Variants in INTS13 observed in about 807,000 individuals in gnomAD.
INTS13 encodes the protein integrator complex subunit 13.
In INTS13, 35 loss-of-function variants were observed where a neutral mutation model predicts 90.2. That is an observed-to-expected ratio of 0.39 (90% CI 0.30 to 0.51). The LOEUF is 0.51. Among genes scored for constraint, INTS13 ranks in the 20% least tolerant of loss-of-function variants. INTS13 has a pLI of 0.80. For missense variants in INTS13, 601 were observed against 851.2 expected (o/e 0.71, Z 3.66); for synonymous variants, 309 against 277.1 (o/e 1.11, Z -1.14).
Position 26,934,601 on chromosome 12 carries a change from T to G in INTS13, c.255A>C (p.Ala85=), listed in dbSNP as rs764910791. ...CTTGAGTCCAAGAATTTAAAACATGTGCTCCAGAGTCACTCACAATAAAAT... is the reference window on the plus strand; with the variant it reads ...CTTGAGTCCAAGAATTTAAAACATGGGCTCCAGAGTCACTCACAATAAAAT... ...LVNFIVSDSG[A]HVLNSWTQED... is the part of the protein sequence containing the mutation. Residue 85 remains alanine, a synonymous_variant, in exon 3 of 17, where the codon GCA becomes GCC. Coordinates refer to ENST00000261191, the MANE Select transcript of INTS13 (RefSeq NM_018164.3). 3 of 1,613,528 alleles carry G rather than the reference T, an allele frequency of 1.9e-6. No individual in the cohort carries two copies. In the Admixed American group the frequency reaches 5.0e-5, roughly 27 times the overall value.
rs761716396 is a variant in INTS13 at position 26,905,548 on chromosome 12, A to C, written c.2082-12T>G. On this transcript the variant is annotated splice_polypyrimidine_tract_variant and intron_variant, in intron 16 of 16. Coordinates refer to ENST00000261191, the MANE Select transcript of INTS13 (RefSeq NM_018164.3). ...CTGTTGTCTCCATCCTGAAATAGGAAGAAAAAAACGAGTTGATAAAATAAA... is the reference window on the plus strand; with the variant it reads ...CTGTTGTCTCCATCCTGAAATAGGACGAAAAAAACGAGTTGATAAAATAAA... The C allele has an allele frequency of 6.2e-6, 10 of 1,609,502 alleles. No homozygotes were observed. Among genetic ancestry groups the C allele is most frequent in the Middle Eastern group, 1.7e-4 (1 of 6,032 alleles).
At position 26,936,853 on chromosome 12, in the gene INTS13, T is replaced by C. The variant is rs150513015; in HGVS notation, c.-11-39A>G. On this transcript the variant is annotated intron_variant, in intron 1 of 16. Transcript: ENST00000261191. Reference sequence around the variant, plus strand: ...AACATATTAGCCAAATATTTGTACATAACATCTTACATTTTTTCTAATTTT... The same window carrying C: ...AACATATTAGCCAAATATTTGTACACAACATCTTACATTTTTTCTAATTTT... 9,504 of 1,305,824 alleles carry C rather than the reference T, an allele frequency of 7.3e-3. 49 individuals are homozygous for C. Among genetic ancestry groups the C allele is most frequent in the Non-Finnish European group, 9.2e-3 (8,481 of 917,584 alleles). 80.9% of individuals were successfully genotyped at this position (1,305,824 alleles called of 1,614,324 possible).
Position 26,928,240 on chromosome 12 carries a change from A to C in INTS13, c.549T>G (p.Ile183Met). The change falls in exon 5 of 17, where the codon ATT becomes ATG. Residue 183 changes from isoleucine (I) to methionine (M), a missense_variant. Ile to Met is a conservative substitution (Grantham distance 10). Around this residue, in one of 3 missense-constraint regions of INTS13, gnomAD observed 284 missense variants for 387.7 expected, o/e 0.73. Coordinates refer to ENST00000261191, the MANE Select transcript of INTS13 (RefSeq NM_018164.3). ...TTGCAGCAAGCTTGTTATGTTCATGAATCGTTTCCTGGACACAGTCTTCAA... is the reference window on the plus strand; with the variant it reads ...TTGCAGCAAGCTTGTTATGTTCATGCATCGTTTCCTGGACACAGTCTTCAA... The part of the protein sequence containing the change: ...RMLEDCVQET[I>M]HEHNKLAANS... 1.9e-6 allele frequency: 3 copies of C among 1,611,158 alleles called. No homozygotes were observed. Among genetic ancestry groups the C allele is most frequent in the Non-Finnish European group, 2.5e-6 (3 of 1,177,778 alleles).
At chr12:26,935,142 G>A (rs1357188836) in intron 2 of INTS13, among the ~76,000 whole-genome samples, 1 of 152,174 alleles carries the variant, frequency 6.6e-6, no homozygotes, top group African/African-American at 2.4e-5. Flanking sequence ...CAGTGGGAGA[G>A]GAGACAAACT....
intron 3 of INTS13, 87 bp from the exon 4 acceptor site, chr12:26,928,992 T>G: frequency 8.7e-7 from 1 of 1,146,906 alleles, no homozygotes; most frequent in South Asian, 1.4e-5. Context: ...CACACCAATG[T>G]ATCTTACATA....
Position 26,928,164 on chromosome 12 carries a change from T to C in INTS13, c.584+41A>G, listed in dbSNP as rs16931479. On this transcript the variant is annotated intron_variant, in intron 5 of 16. Transcript: ENST00000261191. ...TGGAAATAATTATAACATATATCTA[T>C]CCACATGAACATATTTATTTCATTT... is the stretch of plus-strand genomic sequence containing the variant. 44,552 of 1,386,992 alleles carry C rather than the reference T, an allele frequency of 0.032. 954 individuals are homozygous for C. Among genetic ancestry groups the C allele is most frequent in the African/African-American group, 0.071 (5,013 of 70,754 alleles). 85.9% of individuals were successfully genotyped at this position (1,386,992 alleles called of 1,614,324 possible).
intron 3 of INTS13, among the ~76,000 whole-genome samples, chr12:26,934,286 G>T (rs537003450): frequency 6.6e-6 from 1 of 152,112 alleles, no homozygotes; most frequent in South Asian, 2.1e-4. Flanking sequence ...TAAATAAGTA[G>T]ATAAATAAAC....
At chr12:26,910,898 C>T (rs543559465) in intron 15 of INTS13, among the ~76,000 whole-genome samples, 8 of 152,072 alleles carry the variant, frequency 5.3e-5, no homozygotes, top group African/African-American at 1.2e-4. Context: ...TGCAATGGTG[C>T]GATCTTGGCT....
Position 26,928,294 on chromosome 12 carries a change from TAA to T in INTS13, c.504-11_504-10del, listed in dbSNP as rs1565833432. ...TTCGCACATGACTATCACTATGGCA[TAA>T]AAAAGATATAGCAAATTTAAAGGAA... On this transcript the variant is annotated splice_polypyrimidine_tract_variant and intron_variant, in intron 4 of 16. Coordinates refer to ENST00000261191, the MANE Select transcript of INTS13 (RefSeq NM_018164.3). The T allele has an allele frequency of 6.3e-7, 1 of 1,599,314 alleles. No homozygotes were observed. The highest frequency in any genetic ancestry group is 1.7e-5 in the Admixed American group (1 of 59,764).
intron 8 of INTS13, among the ~76,000 whole-genome samples, chr12:26,921,950 C>T (rs999458359): frequency 1.3e-5 from 2 of 152,234 alleles, no homozygotes; most frequent in African/African-American, 2.4e-5. Flanking sequence ...GCCACTACCC[C>T]CGGCCTGCAG....
chr12:26,917,034 A>C (rs1321647959), intron 10 of INTS13, among the ~76,000 whole-genome samples: 1 of 152,148 alleles, frequency 6.6e-6, no homozygotes, highest in African/African-American at 2.4e-5. Flanking sequence ...TTCTAAAACA[A>C]ATCAATTTAG....
rs563838969 is a variant in INTS13, at chr12:26,912,292, C to T, written c.1806-975G>A. On this transcript the variant is annotated intron_variant, in intron 14 of 16. Transcript: ENST00000261191. Reference sequence around the variant, plus strand: ...CTCTACTACAAATACAAAAAATTGGCCAGGCATGGTGGCACATACCTATAA... The same window carrying T: ...CTCTACTACAAATACAAAAAATTGGTCAGGCATGGTGGCACATACCTATAA... Among the ~76,000 whole-genome samples the T allele has an allele frequency of 1.3e-4, 20 of 152,064 alleles. No individual in the cohort carries two copies. The South Asian group carries it at 3.9e-3, about 30-fold the overall frequency.
intron 15 of INTS13, among the ~76,000 whole-genome samples, chr12:26,909,950 T>C (rs989139186): frequency 6.6e-6 from 1 of 152,134 alleles, no homozygotes; most frequent in Non-Finnish European, 1.5e-5. Flanking sequence ...GGTAGTCTAA[T>C]GACGGCATAC....
intron 3 of INTS13, among the ~76,000 whole-genome samples, chr12:26,931,349 CAGG>C (rs1938178748): frequency 6.6e-6 from 1 of 152,042 alleles, no homozygotes; most frequent in African/African-American, 2.4e-5. Context: ...GAGACTGAGA[CAGG>C]AGAATCACTT....
chr12:26,920,253 A>G (rs1433434998), intron 8 of INTS13, among the ~76,000 whole-genome samples: 1 of 152,104 alleles, frequency 6.6e-6, no homozygotes, highest in African/African-American at 2.4e-5. Flanking sequence ...GCACAACCAC[A>G]GGCAGCCTCC....
intron 14 of INTS13, among the ~76,000 whole-genome samples, chr12:26,911,871 A>G (rs1192056259): frequency 2.0e-5 from 3 of 152,222 alleles, no homozygotes; most frequent in Non-Finnish European, 4.4e-5. Flanking sequence ...TCCCTCTTAC[A>G]GTGAGCCAGT....
rs758849418 is a variant in INTS13, at chr12:26,906,419, G to A, written c.1964C>T (p.Ser655Phe). 3 of 1,607,126 alleles carry A rather than the reference G, an allele frequency of 1.9e-6. No homozygotes were observed. Among genetic ancestry groups the A allele is most frequent in the East Asian group, 4.5e-5 (2 of 44,508 alleles). Residue 655 changes from serine (S) to phenylalanine (F), a missense_variant, in exon 16 of 17, where the codon TCC becomes TTC. Around this residue, in one of 3 missense-constraint regions of INTS13, gnomAD observed 228 missense variants for 272.5 expected, o/e 0.84. Coordinates refer to ENST00000261191, the MANE Select transcript of INTS13 (RefSeq NM_018164.3). ...EKSKGPVSLL[S>F]LWSNRINTAN... ...AGTATTGATTCTATTACTCCACAAG[G>A]ATAATAACGACACTGGCCCTAGTGT...
intron 2 of INTS13, 53 bp downstream of exon 2, chr12:26,936,526 A>C: frequency 1.5e-6 from 2 of 1,299,586 alleles, no homozygotes; most frequent in East Asian, 4.7e-5. Flanking sequence ...AAATTCATTT[A>C]TGCAGTTAAG....
chr12:26,935,190 G>A (rs536422959), intron 2 of INTS13, among the ~76,000 whole-genome samples: 98 of 152,300 alleles, frequency 6.4e-4, no homozygotes, highest in African/African-American at 2.1e-3. Context: ...ATAGGGCACC[G>A]AAAGCCAAAA....
Sources: allele counts gnomAD v4.1 joint callset (sites outside exome capture counted in the v4.1 genomes callset), GRCh38; gene constraint gnomAD v4.1.1; regional missense constraint gnomAD v4.1.1; transcripts MANE v1.5; gene names NCBI Gene and HGNC (gene_info 2026-07-23, HGNC 2026-07-21).